The following CNTNAP2 variants were observed in gnomAD, a reference collection of about 807,000 sequenced individuals.
CNTNAP2 encodes contactin-associated protein-like 2.
Under a neutral mutation model 155.2 loss-of-function variants are expected in CNTNAP2, and 98 were observed. The ratio of observed to expected loss-of-function variants is 0.63; its 90% CI spans 0.54 to 0.75. The LOEUF (loss-of-function observed/expected upper bound fraction) is 0.75, where lower values mean the gene tolerates loss of function less well. Ranked by LOEUF, CNTNAP2 falls within the 30% of genes least tolerant of loss-of-function variation. CNTNAP2 has a pLI of 0.00. For missense variants in CNTNAP2, 1,727 were observed against 1,688.1 expected (o/e 1.02, Z -0.40); for synonymous variants, 651 against 631.2 (o/e 1.03, Z -0.47).
At chr7:146,208,509 A>G (rs1798983854) in intron 1 of CNTNAP2, among the ~76,000 whole-genome samples, 1 of 152,130 alleles carries the variant, frequency 6.6e-6, no homozygotes, top group Admixed American at 6.6e-5. Flanking sequence ...TAATAAATCA[A>G]TAAAGTATTA....
chr7:147,575,147 G>C (rs1800365419), intron 12 of CNTNAP2, among the ~76,000 whole-genome samples: 1 of 136,362 alleles, frequency 7.3e-6, no homozygotes, highest in Non-Finnish European at 1.6e-5. Context: ...GTGTGTGTGT[G>C]TGTGTATTCC....
chr7:147,633,709 G>A (rs1254204429), intron 12 of CNTNAP2, among the ~76,000 whole-genome samples: 2 of 152,072 alleles, frequency 1.3e-5, no homozygotes, highest in African/African-American at 4.8e-5. Flanking sequence ...AGGTCTGATG[G>A]TTTTATAGGG....
At chr7:147,916,240 C>A (rs1025131351) in intron 14 of CNTNAP2, among the ~76,000 whole-genome samples, 20 of 152,094 alleles carry the variant, frequency 1.3e-4, no homozygotes, top group Non-Finnish European at 2.8e-4. Context: ...CCCAAAGAAG[C>A]ATAAAAATGA....
chr7:147,085,029 T>G (rs1800243025), intron 4 of CNTNAP2, among the ~76,000 whole-genome samples: 1 of 152,028 alleles, frequency 6.6e-6, no homozygotes, highest in East Asian at 1.9e-4. Context: ...TATTTTTTTC[T>G]CAAAGTTGAG....
Position 147,485,926 on chromosome 7 carries a change from C to T in CNTNAP2, c.1671-9C>T, listed in dbSNP as rs1369022558. 6.2e-7 allele frequency: 1 copy of T among 1,613,562 alleles called. No individual in the cohort carries two copies. The highest frequency in any genetic ancestry group is 8.5e-7 in the Non-Finnish European group (1 of 1,179,490). Reference sequence around the variant, plus strand: ...TTGGTTTATTTCTGTTTGTCTCTCTCTCTGACAGATGTGTGCCCAATCACT... The same window carrying T: ...TTGGTTTATTTCTGTTTGTCTCTCTTTCTGACAGATGTGTGCCCAATCACT... On this transcript the variant is annotated splice_polypyrimidine_tract_variant and intron_variant, in intron 10 of 23. Transcript: ENST00000361727.
intron 14 of CNTNAP2, among the ~76,000 whole-genome samples, chr7:147,950,680 C>T (rs1459774891): frequency 6.6e-6 from 1 of 152,176 alleles, no homozygotes; most frequent in Non-Finnish European, 1.5e-5. Context: ...AACCTCAAAG[C>T]ATGCCACTTT....
intron 1 of CNTNAP2, among the ~76,000 whole-genome samples, chr7:146,721,342 T>G (rs1585058063): frequency 7.6e-6 from 1 of 131,586 alleles, no homozygotes; most frequent in East Asian, 2.2e-4. Context: ...CTATATACAT[T>G]CTATATATAC....
chr7:147,960,744 C>T (rs531124656), intron 14 of CNTNAP2, among the ~76,000 whole-genome samples: 3 of 152,068 alleles, frequency 2.0e-5, no homozygotes, highest in Non-Finnish European at 4.4e-5. Flanking sequence ...TGCCCAGGGA[C>T]TCTCTCTCTG....
At chr7:147,564,686 T>A (rs1041902398) in intron 12 of CNTNAP2, among the ~76,000 whole-genome samples, 5 of 152,206 alleles carry the variant, frequency 3.3e-5, no homozygotes, top group Non-Finnish European at 7.3e-5. Flanking sequence ...TAGTCTACTC[T>A]CAGGAGAGCT....
At chr7:146,954,322 C>G (rs1046544960) in intron 3 of CNTNAP2, among the ~76,000 whole-genome samples, 1 of 151,790 alleles carries the variant, frequency 6.6e-6, no homozygotes, top group African/African-American at 2.4e-5. Flanking sequence ...TTTGCTGGAG[C>G]AGAATGAATG....
chr7:147,387,806 G>T (rs1796648335), intron 9 of CNTNAP2, among the ~76,000 whole-genome samples: 1 of 152,054 alleles, frequency 6.6e-6, no homozygotes, highest in Admixed American at 6.6e-5. Flanking sequence ...ATTAGATGGG[G>T]GTGGTTTATG....
intron 1 of CNTNAP2, among the ~76,000 whole-genome samples, chr7:146,516,404 T>G (rs1378859480): frequency 1.3e-5 from 2 of 152,024 alleles, no homozygotes; most frequent in Non-Finnish European, 2.9e-5. Context: ...CTGTTTTTGT[T>G]AAATGAAAAA....
chr7:147,321,090 C>T (rs944879566), intron 9 of CNTNAP2, among the ~76,000 whole-genome samples: 5 of 152,220 alleles, frequency 3.3e-5, no homozygotes, highest in Admixed American at 6.5e-5. Flanking sequence ...GTTGACTATT[C>T]TTTTTCATAC....
At chr7:147,080,298 T>C (rs992590408) in intron 4 of CNTNAP2, among the ~76,000 whole-genome samples, 1 of 152,206 alleles carries the variant, frequency 6.6e-6, no homozygotes, top group African/African-American at 2.4e-5. Context: ...AACGTAAACA[T>C]GTCATTTCTT....
intron 8 of CNTNAP2, among the ~76,000 whole-genome samples, chr7:147,239,557 G>A (rs1340479389): frequency 1.3e-5 from 2 of 150,170 alleles, no homozygotes; most frequent in East Asian, 2.0e-4. Flanking sequence ...ATTCATGACT[G>A]TGCATACATA....
intron 1 of CNTNAP2, among the ~76,000 whole-genome samples, chr7:146,454,781 A>G (rs927491834): frequency 6.6e-6 from 1 of 152,128 alleles, no homozygotes; most frequent in Non-Finnish European, 1.5e-5. Flanking sequence ...TCATAGATAG[A>G]TAATAGATAA....
intron 15 of CNTNAP2, among the ~76,000 whole-genome samples, chr7:148,048,011 C>T (rs891530847): frequency 3.9e-5 from 6 of 152,110 alleles, no homozygotes; most frequent in South Asian, 4.1e-4. Flanking sequence ...GCAAGCTCCA[C>T]CTCCCAGGTT....
At chr7:147,678,554 GTT>G (rs754192666) in intron 13 of CNTNAP2, among the ~76,000 whole-genome samples, 25 of 151,808 alleles carry the variant, frequency 1.6e-4, no homozygotes, top group Admixed American at 5.9e-4. Flanking sequence ...AGGATTCCGC[GTT>G]TTTTATTCAG....
chr7:148,411,849 ATATGTG>A lies in CNTNAP2; in HGVS notation c.3796+2380_3796+2385del, dbSNP rs796713274. On this transcript the variant is annotated intron_variant, in intron 23 of 23. Transcript: ENST00000361727. ...TGGCACTTTTGTTAAAGCAACTGAC[ATATGTG>A]TGTGTGTGTGTGTGTGTCTATTTTC... is the stretch of plus-strand genomic sequence containing the variant. Among the ~76,000 whole-genome samples, 912 of 130,172 alleles carry A rather than the reference ATATGTG, an allele frequency of 7.0e-3. 10 individuals carry two copies. The highest frequency in any genetic ancestry group is 0.025 in the African/African-American group (869 of 34,270). The allele number at this position is 130,172 out of a possible 152,430, so 85.4% of individuals were successfully genotyped here.
Sources: gnomAD v4.1 joint callset for allele counts (sites outside exome capture counted in the v4.1 genomes callset) on GRCh38, gnomAD v4.1.1 for gene constraint, MANE v1.5 for transcripts, NCBI Gene and HGNC (gene_info 2026-07-23, HGNC 2026-07-21) for gene names.